CACNA2D3: variants seen among roughly 807,000 people sequenced by gnomAD.
The protein encoded by CACNA2D3 is voltage-dependent calcium channel subunit alpha-2/delta-3.
In CACNA2D3, 60 loss-of-function variants were observed where a neutral mutation model predicts 160.6. The ratio of observed to expected loss-of-function variants is 0.37; its 90% CI spans 0.30 to 0.46. The LOEUF is 0.46. Among genes scored for constraint, CACNA2D3 ranks in the 20% least tolerant of loss-of-function variants. The pLI, the probability that CACNA2D3 is intolerant of heterozygous loss-of-function variation, is 1.00. For synonymous variants in CACNA2D3, 558 were observed against 492.9 expected (o/e 1.13, Z -1.75); for missense variants, 1,205 against 1,365.0 (o/e 0.88, Z 1.85).
chr3:54,307,110 A>G (rs1258529186), intron 2 of CACNA2D3, among the ~76,000 whole-genome samples: 2 of 152,104 alleles, frequency 1.3e-5, no homozygotes, highest in Admixed American at 6.5e-5. Flanking sequence ...TTCTGGAGGC[A>G]TTTGAGTTAG....
At chr3:54,929,132 G>A (rs1701114215) in intron 27 of CACNA2D3, among the ~76,000 whole-genome samples, 2 of 152,110 alleles carry the variant, frequency 1.3e-5, no homozygotes, top group South Asian at 4.1e-4. Flanking sequence ...GTCCAGAGTC[G>A]ATATTTGGCT....
At chr3:54,788,695 A>T (rs959667672) in intron 13 of CACNA2D3, among the ~76,000 whole-genome samples, 1 of 152,316 alleles carries the variant, frequency 6.6e-6, no homozygotes, top group South Asian at 2.1e-4. Context: ...GTGCCCTTAT[A>T]TAAATCACTT....
chr3:54,872,111 G>C (rs1248133493), intron 18 of CACNA2D3, among the ~76,000 whole-genome samples: 1 of 152,114 alleles, frequency 6.6e-6, no homozygotes, highest in Non-Finnish European at 1.5e-5. Context: ...CTTTTCTCCT[G>C]CTTGGTCGGC....
At chr3:54,428,956 A>G (rs1051908041) in intron 4 of CACNA2D3, among the ~76,000 whole-genome samples, 1 of 152,190 alleles carries the variant, frequency 6.6e-6, no homozygotes, top group Non-Finnish European at 1.5e-5. Flanking sequence ...TGACACTAGT[A>G]GAGATCAGAT....
intron 2 of CACNA2D3, among the ~76,000 whole-genome samples, chr3:54,148,095 C>A (rs1700070592): frequency 6.6e-6 from 1 of 152,266 alleles, no homozygotes; most frequent in Admixed American, 6.5e-5. Flanking sequence ...CTGCGCCCAG[C>A]TGATGGGAAG....
intron 11 of CACNA2D3, among the ~76,000 whole-genome samples, chr3:54,722,668 G>T (rs1701191312): frequency 6.6e-6 from 1 of 152,172 alleles, no homozygotes; most frequent in Non-Finnish European, 1.5e-5. Context: ...CCGCCCTGCT[G>T]GAGTTTGCTG....
intron 13 of CACNA2D3, among the ~76,000 whole-genome samples, chr3:54,797,548 A>G (rs1344959641): frequency 6.6e-6 from 1 of 152,228 alleles, no homozygotes; most frequent in Non-Finnish European, 1.5e-5. Flanking sequence ...ATGGTATCAT[A>G]CGGTTTTTTT....
chr3:54,129,925 G>A (rs1699675402), intron 2 of CACNA2D3, among the ~76,000 whole-genome samples: 2 of 152,204 alleles, frequency 1.3e-5, no homozygotes, highest in South Asian at 4.1e-4. Context: ...TTGTCCTCTT[G>A]GATGTTAGAG....
chr3:54,206,930 C>A (rs1178072501), intron 2 of CACNA2D3, among the ~76,000 whole-genome samples: 2 of 152,194 alleles, frequency 1.3e-5, no homozygotes, highest in African/African-American at 4.8e-5. Flanking sequence ...GACTTGGGGA[C>A]CTGGGTCCCT....
chr3:54,998,718 GTTTTGTTTT>G (rs1702913244), intron 31 of CACNA2D3, among the ~76,000 whole-genome samples: 1 of 45,522 alleles, frequency 2.2e-5, no homozygotes, highest in African/African-American at 6.8e-5. Context: ...GTTGGTTTTT[GTTTTGTTTT>G]GTTTTGTTTT....
At chr3:54,406,575 A>G (rs1699580724) in intron 4 of CACNA2D3, among the ~76,000 whole-genome samples, 1 of 152,192 alleles carries the variant, frequency 6.6e-6, no homozygotes. Flanking sequence ...AAAATATTTC[A>G]TGATCTCACT....
intron 11 of CACNA2D3, among the ~76,000 whole-genome samples, chr3:54,656,395 C>T (rs995093048): frequency 3.3e-5 from 5 of 152,216 alleles, no homozygotes; most frequent in African/African-American, 1.2e-4. Context: ...CAGTGAATGG[C>T]GGTCCCCTCC....
intron 29 of CACNA2D3, among the ~76,000 whole-genome samples, chr3:54,979,893 T>G (rs1387500186): frequency 2.6e-5 from 4 of 152,246 alleles, no homozygotes; most frequent in African/African-American, 9.6e-5. Flanking sequence ...ACAGCCACTA[T>G]TAAAGCCACA....
In CACNA2D3 at chr3:54,331,548, G is replaced by T. The variant is rs150611835; in HGVS notation, c.321+10990G>T. On this transcript the variant is annotated intron_variant, in intron 3 of 37. Transcript: ENST00000474759. The stretch of plus-strand genomic sequence containing the variant: ...TTGTCATCATGATCATCACATTACT[G>T]AGTGCTTCTTGCTTGCCAAGACACT... Among the ~76,000 whole-genome samples, 1,138 of 152,244 alleles carry T rather than the reference G, an allele frequency of 7.5e-3. 6 individuals carry two copies. Among genetic ancestry groups the T allele is most frequent in the Non-Finnish European group, 0.012 (822 of 68,024 alleles).
intron 2 of CACNA2D3, among the ~76,000 whole-genome samples, chr3:54,155,787 C>T (rs914646669): frequency 2.0e-4 from 31 of 152,240 alleles, no homozygotes; most frequent in Non-Finnish European, 2.5e-4. Context: ...AACCTGTGAC[C>T]GTGGGGCCAT....
chr3:54,490,849 C>A (rs563037176), intron 4 of CACNA2D3, among the ~76,000 whole-genome samples: 1 of 152,126 alleles, frequency 6.6e-6, no homozygotes, highest in South Asian at 2.1e-4. Flanking sequence ...AGTGGGAGAC[C>A]CTTGAGCCCT....
intron 27 of CACNA2D3, among the ~76,000 whole-genome samples, chr3:54,947,225 G>A (rs1701638764): frequency 6.6e-6 from 1 of 152,142 alleles, no homozygotes; most frequent in Admixed American, 6.5e-5. Context: ...CTGGTAAGTG[G>A]GATCACTGGA....
chr3:54,928,134 T>G, intron 27 of CACNA2D3: 1 of 550,252 alleles, frequency 1.8e-6, no homozygotes, highest in Non-Finnish European at 3.2e-6. Context: ...TCAGTTTCCA[T>G]AAGAGGATCT....
intron 4 of CACNA2D3, among the ~76,000 whole-genome samples, chr3:54,414,380 A>T (rs936246568): frequency 6.6e-6 from 1 of 152,146 alleles, no homozygotes; most frequent in Non-Finnish European, 1.5e-5. Context: ...ATGTATTGAT[A>T]TTGACAAGTT....
Sources: allele counts gnomAD v4.1 joint callset (sites outside exome capture counted in the v4.1 genomes callset), GRCh38; gene constraint gnomAD v4.1.1; transcripts MANE v1.5; gene names NCBI Gene and HGNC (gene_info 2026-07-23, HGNC 2026-07-21).